Variants in ARFGEF1 observed in about 807,000 individuals in gnomAD.
ARFGEF1 encodes brefeldin A-inhibited guanine nucleotide-exchange protein 1.
In ARFGEF1, 42 loss-of-function variants were observed where a neutral mutation model predicts 231.0. That is an observed-to-expected ratio of 0.18 (90% CI 0.14 to 0.24). The LOEUF is 0.24. Ranked by LOEUF, ARFGEF1 falls within the 10% of genes least tolerant of loss-of-function variation. The pLI, the probability that ARFGEF1 is intolerant of heterozygous loss-of-function variation, is 1.00. For missense variants in ARFGEF1, 1,345 were observed against 2,192.0 expected (o/e 0.61, Z 7.72); for synonymous variants, 710 against 732.3 (o/e 0.97, Z 0.49).
At chr8:67,195,642 G>T, downstream of ARFGEF1, 1 of 1,516,640 alleles carries the variant, frequency 6.6e-7, no homozygotes, top group Non-Finnish European at 9.1e-7. Flanking sequence ...GAAAGGAATG[G>T]TAAATCTGTA....
At chr8:67,197,289 A>G (rs1445964983), downstream of ARFGEF1, among the ~76,000 whole-genome samples, 3 of 152,086 alleles carry the variant, frequency 2.0e-5, no homozygotes, top group Non-Finnish European at 4.4e-5. Context: ...TCTAAAAAAA[A>G]AAAATTTTTT....
intron 34 of ARFGEF1, among the ~76,000 whole-genome samples, chr8:67,208,546 C>T (rs1838602892): frequency 6.7e-6 from 1 of 148,560 alleles, no homozygotes; most frequent in South Asian, 2.2e-4. Context: ...AGGAGAATCG[C>T]TTGAACCCAG....
At chr8:67,313,951 G>C (rs1416017892) in intron 1 of ARFGEF1, among the ~76,000 whole-genome samples, 3 of 152,210 alleles carry the variant, frequency 2.0e-5, no homozygotes, top group African/African-American at 2.4e-5. Flanking sequence ...TGGCTGCTGT[G>C]GGGGACAGGA....
At chr8:67,280,162 A>G (rs921519005) in intron 7 of ARFGEF1, among the ~76,000 whole-genome samples, 1 of 152,142 alleles carries the variant, frequency 6.6e-6, no homozygotes, top group Non-Finnish European at 1.5e-5. Flanking sequence ...AACCTGAGAG[A>G]TATGATTGTT....
At position 67,265,890 on chromosome 8, in the gene ARFGEF1, T is replaced by G. The variant is rs550847055; in HGVS notation, c.2123+116A>C. The G allele has an allele frequency of 4.9e-5, 45 of 913,998 alleles. No homozygotes were observed. The African/African-American group carries it at 7.3e-4, about 15-fold the overall frequency. 56.6% of individuals were successfully genotyped at this position (913,998 alleles called of 1,614,324 possible). ...CTGAATAGGAGCCTCGTGAATTAGA[T>G]CCATGAGAACTATCCTCCATTTTAC... On this transcript the variant is annotated intron_variant, in intron 14 of 38. Coordinates refer to ENST00000262215, the MANE Select transcript of ARFGEF1 (RefSeq NM_006421.5).
intron 5 of ARFGEF1, among the ~76,000 whole-genome samples, chr8:67,292,901 T>C (rs1441862789): frequency 6.6e-6 from 1 of 152,142 alleles, no homozygotes; most frequent in Non-Finnish European, 1.5e-5. Context: ...AATATGAACA[T>C]TTCATATTCT....
At chr8:67,339,795 C>CGGGGGCG (rs1554652755) in intron 1 of ARFGEF1, among the ~76,000 whole-genome samples, 2 of 14,274 alleles carry the variant, frequency 1.4e-4, no homozygotes, top group African/African-American at 6.6e-4. Flanking sequence ...CAGTGTGGGG[C>CGGGGGCG]GGGGGGGGGG....
At chr8:67,251,540 G>A (rs573146837) in intron 18 of ARFGEF1, 90 bp from the exon 19 acceptor site, 1 of 1,192,414 alleles carries the variant, frequency 8.4e-7, no homozygotes, top group East Asian at 2.7e-5. Flanking sequence ...AACACCACCA[G>A]TAATTAAAAG....
At chr8:67,311,027 G>A (rs1205712712) in intron 1 of ARFGEF1, among the ~76,000 whole-genome samples, 1 of 149,600 alleles carries the variant, frequency 6.7e-6, no homozygotes, top group African/African-American at 2.5e-5. Flanking sequence ...CGTCTGGGAG[G>A]TGAGGGGCGC....
chr8:67,314,189 C>T (rs868482854), intron 1 of ARFGEF1, among the ~76,000 whole-genome samples: 5 of 152,278 alleles, frequency 3.3e-5, no homozygotes, highest in South Asian at 2.1e-4. Context: ...TGAGGCTTTC[C>T]GCCTCCCAGC....
intron 1 of ARFGEF1, among the ~76,000 whole-genome samples, chr8:67,337,264 G>A (rs1404768102): frequency 6.6e-6 from 1 of 151,516 alleles, no homozygotes; most frequent in Non-Finnish European, 1.5e-5. Flanking sequence ...AAGGCAGGAT[G>A]AAAATGTTTT....
chr8:67,308,590 A>C (rs1022915410), intron 1 of ARFGEF1, among the ~76,000 whole-genome samples: 8 of 152,194 alleles, frequency 5.3e-5, no homozygotes, highest in African/African-American at 1.9e-4. Context: ...CTCTTAGGTG[A>C]AATATTCCAC....
intron 1 of ARFGEF1, among the ~76,000 whole-genome samples, chr8:67,311,709 GC>G (rs1307300622): frequency 6.6e-6 from 1 of 152,124 alleles, no homozygotes; most frequent in Non-Finnish European, 1.5e-5. Flanking sequence ...GAGCCCTTCT[GC>G]CCGGCCACCA....
chr8:67,201,347 T>C (rs1353014650), intron 37 of ARFGEF1, 120 bp downstream of exon 37: 3 of 1,260,694 alleles, frequency 2.4e-6, no homozygotes, highest in Admixed American at 5.9e-5. Flanking sequence ...AACTGCTCTG[T>C]GGAATAGGGG....
chr8:67,214,890 A>G (rs1563841011), intron 33 of ARFGEF1, among the ~76,000 whole-genome samples: 2 of 152,202 alleles, frequency 1.3e-5, no homozygotes, highest in African/African-American at 4.8e-5. Flanking sequence ...CCTTTAAGAA[A>G]AAGAAGAACA....
intron 1 of ARFGEF1, among the ~76,000 whole-genome samples, chr8:67,317,311 G>T (rs1165837575): frequency 1.3e-5 from 2 of 152,166 alleles, no homozygotes; most frequent in Admixed American, 1.3e-4. Context: ...TAGCCAGTTG[G>T]TCAGAAGTGC....
chr8:67,302,702 T>G (rs1186591318), intron 1 of ARFGEF1, among the ~76,000 whole-genome samples: 1 of 152,140 alleles, frequency 6.6e-6, no homozygotes, highest in Non-Finnish European at 1.5e-5. Context: ...TTACAGATTA[T>G]TAATTCCCAA....
At chr8:67,317,705 G>A (rs182908738) in intron 1 of ARFGEF1, among the ~76,000 whole-genome samples, 11 of 150,580 alleles carry the variant, frequency 7.3e-5, no homozygotes, top group Admixed American at 3.3e-4. Context: ...GAGGTCGGGA[G>A]TTCGAGACCA....
intron 4 of ARFGEF1, among the ~76,000 whole-genome samples, chr8:67,297,670 T>C (rs1365238883): frequency 6.6e-6 from 1 of 152,248 alleles, no homozygotes; most frequent in African/African-American, 2.4e-5. Context: ...TTCCAATTTC[T>C]CAAGAGCAAA....
Sources: gnomAD v4.1 joint callset for allele counts (sites outside exome capture counted in the v4.1 genomes callset) on GRCh38, gnomAD v4.1.1 for gene constraint, MANE v1.5 for transcripts, NCBI Gene and HGNC (gene_info 2026-07-23, HGNC 2026-07-21) for gene names.